Variants in EPSTI1 observed in about 807,000 individuals in gnomAD.
EPSTI1 encodes the protein epithelial stromal interaction 1.
In EPSTI1, 66 loss-of-function variants were observed where a neutral mutation model predicts 49.9. The observed-to-expected ratio is 1.32, with a 90% CI of 1.08 to 1.62. The LOEUF (loss-of-function observed/expected upper bound fraction) is 1.62, where lower values mean the gene tolerates loss of function less well. Among genes scored for constraint, EPSTI1 ranks in the 40% most tolerant of loss-of-function variants. EPSTI1 has a pLI of 0.00. For missense variants in EPSTI1, 394 were observed against 365.5 expected (o/e 1.08, Z -0.64); for synonymous variants, 137 against 130.7 (o/e 1.05, Z -0.33).
chr13:42,956,455 C>T (rs900914869), intron 5 of EPSTI1, among the ~76,000 whole-genome samples: 4 of 152,180 alleles, frequency 2.6e-5, no homozygotes, highest in Non-Finnish European at 5.9e-5. Context: ...AACAGGGTTA[C>T]TACACTCCAT....
intron 5 of EPSTI1, among the ~76,000 whole-genome samples, chr13:42,961,521 G>C (rs2039449412): frequency 6.6e-6 from 1 of 152,132 alleles, no homozygotes. Flanking sequence ...ATTTCCCTTT[G>C]TACCCATAGG....
At chr13:42,985,352 GTTGCTAGGCAGATGTCC>G (rs1324944435) in intron 1 of EPSTI1, among the ~76,000 whole-genome samples, 1 of 152,248 alleles carries the variant, frequency 6.6e-6, no homozygotes, top group African/African-American at 2.4e-5. Flanking sequence ...TGGACAGACA[GTTGCTAGGCAGATGTCC>G]TTGCAGAAGT....
At chr13:42,972,977 A>C (rs1427000262) in intron 1 of EPSTI1, among the ~76,000 whole-genome samples, 3 of 152,238 alleles carry the variant, frequency 2.0e-5, no homozygotes, top group African/African-American at 7.2e-5. Flanking sequence ...AGAAGAGTAA[A>C]AAACTGAATA....
chr13:42,938,557 T>C (rs528517528), intron 6 of EPSTI1, among the ~76,000 whole-genome samples: 1 of 152,242 alleles, frequency 6.6e-6, no homozygotes, highest in East Asian at 1.9e-4. Flanking sequence ...ACTTCTCCTG[T>C]CTAGCTATGA....
chr13:42,951,606 T>C (rs892341328), intron 6 of EPSTI1, among the ~76,000 whole-genome samples: 1 of 152,194 alleles, frequency 6.6e-6, no homozygotes, highest in African/African-American at 2.4e-5. Flanking sequence ...TGATCTTCTG[T>C]ATTTAGTAAA....
chr13:42,988,592 A>G (rs1381138001), intron 1 of EPSTI1, among the ~76,000 whole-genome samples: 2 of 152,072 alleles, frequency 1.3e-5, no homozygotes, highest in African/African-American at 4.8e-5. Flanking sequence ...TTAGCCAGGC[A>G]TGGTGGCATG....
chr13:42,981,584 G>A (rs2039987534), intron 1 of EPSTI1, among the ~76,000 whole-genome samples: 1 of 152,220 alleles, frequency 6.6e-6, no homozygotes, highest in Non-Finnish European at 1.5e-5. Flanking sequence ...GTGCAGAAAA[G>A]TTGGAAATTC....
chr13:42,930,836 A>G (rs1324303727), intron 6 of EPSTI1, among the ~76,000 whole-genome samples: 1 of 152,254 alleles, frequency 6.6e-6, no homozygotes, highest in Non-Finnish European at 1.5e-5. Context: ...TTTTCTATTA[A>G]TTGATAAATA....
In EPSTI1 at chr13:42,901,356, C is replaced by T. The variant is rs146275393; in HGVS notation, c.742-973G>A. Among the ~76,000 whole-genome samples, 999 of 152,256 alleles carry T rather than the reference C, an allele frequency of 6.6e-3. 12 individuals carry two copies. The highest frequency in any genetic ancestry group is 0.022 in the African/African-American group (898 of 41,556). ...CTTTGTTCAAAGACCCTCTAATATT[C>T]CACAGTCCCCCAAAATAAAAAGACT... On this transcript the variant is annotated intron_variant, in intron 8 of 10. Coordinates refer to ENST00000313624, the MANE Select transcript of EPSTI1 (RefSeq NM_033255.5).
chr13:42,911,270 CGCACGCGCGCACACGTGTGTGAGT>C lies in EPSTI1; in HGVS notation c.741+6247_741+6270del, dbSNP rs1251423556. 5.2e-4 allele frequency among the ~76,000 whole-genome samples: 57 copies of C among 110,426 alleles called. 1 individual carries two copies. Among genetic ancestry groups the C allele is most frequent in the African/African-American group, 1.7e-3 (56 of 32,860 alleles). 72.4% of individuals were successfully genotyped at this position (110,426 alleles called of 152,430 possible). A position where few individuals can be genotyped will look rare whatever the true frequency, so the allele number is the denominator to read the frequency against. On this transcript the variant is annotated intron_variant, in intron 8 of 10. Coordinates refer to ENST00000313624, the MANE Select transcript of EPSTI1 (RefSeq NM_033255.5). Reference sequence around the variant, plus strand: ...GTGTGTGTGTGTGTGTGTGTGCGCGCGCACGCGCGCACACGTGTGTGAGTGTGCACATGCTTCCTTTATCAGATT... The same window carrying C: ...GTGTGTGTGTGTGTGTGTGTGCGCGCGTGCACATGCTTCCTTTATCAGATT...
At chr13:42,936,032 A>C (rs1414690077) in intron 6 of EPSTI1, among the ~76,000 whole-genome samples, 1 of 152,192 alleles carries the variant, frequency 6.6e-6, no homozygotes, top group Non-Finnish European at 1.5e-5. Context: ...ATCTGTACCT[A>C]TCTTCCTTTA....
At chr13:42,916,287 C>T (rs1328090302) in intron 8 of EPSTI1, among the ~76,000 whole-genome samples, 1 of 141,222 alleles carries the variant, frequency 7.1e-6, no homozygotes, top group Non-Finnish European at 1.5e-5. Context: ...AAAAAAAAAA[C>T]ACTAAGGGAT....
chr13:42,920,448 T>C (rs2037960223), intron 7 of EPSTI1, among the ~76,000 whole-genome samples: 1 of 152,148 alleles, frequency 6.6e-6, no homozygotes, highest in Non-Finnish European at 1.5e-5. Flanking sequence ...GAAGACTTGC[T>C]GGAAGGGGCT....
chr13:42,912,277 G>C (rs945583295), intron 8 of EPSTI1, among the ~76,000 whole-genome samples: 1 of 152,228 alleles, frequency 6.6e-6, no homozygotes, highest in African/African-American at 2.4e-5. Flanking sequence ...CAGTCATTTA[G>C]ATGATCAGTT....
At chr13:42,927,460 G>A (rs1272533190) in intron 6 of EPSTI1, among the ~76,000 whole-genome samples, 2 of 152,240 alleles carry the variant, frequency 1.3e-5, no homozygotes, top group East Asian at 1.9e-4. Flanking sequence ...CCTCCTGCTA[G>A]CCCTCTGCTT....
At chr13:42,944,462 TG>T (rs2038859145) in intron 6 of EPSTI1, among the ~76,000 whole-genome samples, 1 of 151,846 alleles carries the variant, frequency 6.6e-6, no homozygotes, top group Non-Finnish European at 1.5e-5. Flanking sequence ...AAGTGGGAGT[TG>T]AACAACGAGA....
At chr13:42,951,999 T>C (rs1486502928) in intron 6 of EPSTI1, among the ~76,000 whole-genome samples, 1 of 152,198 alleles carries the variant, frequency 6.6e-6, no homozygotes, top group Admixed American at 6.5e-5. Context: ...CACCAATCAG[T>C]GCTCTGTGGC....
chr13:42,961,687 G>A (rs552607728), intron 5 of EPSTI1, among the ~76,000 whole-genome samples: 2 of 152,140 alleles, frequency 1.3e-5, no homozygotes, highest in African/African-American at 4.8e-5. Context: ...CAGAGATGAC[G>A]ACCAATCAGA....
At chr13:42,964,477 G>A (rs1241376427) in intron 3 of EPSTI1, among the ~76,000 whole-genome samples, 1 of 152,152 alleles carries the variant, frequency 6.6e-6, no homozygotes, top group Non-Finnish European at 1.5e-5. Context: ...CTTGGAAACT[G>A]TAGAATATTC....
Sources: allele counts gnomAD v4.1 joint callset (sites outside exome capture counted in the v4.1 genomes callset), GRCh38; gene constraint gnomAD v4.1.1; transcripts MANE v1.5; gene names NCBI Gene and HGNC (gene_info 2026-07-23, HGNC 2026-07-21).